The following PPM1L variants were observed in gnomAD, a reference collection of about 807,000 sequenced individuals.
The protein encoded by PPM1L is protein phosphatase, Mg2+/Mn2+ dependent 1L.
A neutral mutation model predicts 31.4 loss-of-function variants in PPM1L; 13 were observed. That is an observed-to-expected ratio of 0.41 (90% CI 0.27 to 0.66). The LOEUF (loss-of-function observed/expected upper bound fraction) is 0.66, where lower values mean the gene tolerates loss of function less well. PPM1L is among the 30% of genes least tolerant of loss of function. The pLI is 0.29. For missense variants in PPM1L, 326 were observed against 453.7 expected (o/e 0.72, Z 2.56); for synonymous variants, 184 against 175.4 (o/e 1.05, Z -0.39).
intron 1 of PPM1L, among the ~76,000 whole-genome samples, chr3:160,844,220 C>G (rs1376360246): frequency 6.6e-6 from 1 of 152,146 alleles, no homozygotes; most frequent in East Asian, 1.9e-4. Flanking sequence ...CATAAGTGGA[C>G]TCTGGTCTAA....
chr3:160,830,951 A>G (rs1170633390), intron 1 of PPM1L, among the ~76,000 whole-genome samples: 1 of 152,216 alleles, frequency 6.6e-6, no homozygotes, highest in Non-Finnish European at 1.5e-5. Context: ...TCTGAATTCC[A>G]TGCCAGGAAC....
chr3:160,953,356 G>T (rs887632526), intron 1 of PPM1L, among the ~76,000 whole-genome samples: 1 of 151,994 alleles, frequency 6.6e-6, no homozygotes, highest in Non-Finnish European at 1.5e-5. Flanking sequence ...AAAAGTGAAG[G>T]AACAAAAATG....
chr3:160,833,415 A>G (rs1246280349), intron 1 of PPM1L, among the ~76,000 whole-genome samples: 1 of 152,080 alleles, frequency 6.6e-6, no homozygotes, highest in Non-Finnish European at 1.5e-5. Context: ...AAGCGTTCCT[A>G]TTTCTCCACA....
intron 1 of PPM1L, among the ~76,000 whole-genome samples, chr3:160,956,795 A>C (rs1316634277): frequency 6.6e-6 from 1 of 152,252 alleles, no homozygotes; most frequent in Non-Finnish European, 1.5e-5. Context: ...TTTATTCTCT[A>C]TCTGAAATTG....
chr3:160,924,382 C>T (rs1185620895), intron 1 of PPM1L, among the ~76,000 whole-genome samples: 1 of 152,158 alleles, frequency 6.6e-6, no homozygotes, highest in Non-Finnish European at 1.5e-5. Context: ...TGGCTGTTCT[C>T]TCTCTTTTTA....
chr3:160,909,462 G>A (rs541791020), intron 1 of PPM1L, among the ~76,000 whole-genome samples: 2 of 152,312 alleles, frequency 1.3e-5, no homozygotes, highest in East Asian at 3.9e-4. Context: ...TAAGTTTGAG[G>A]TATTAGCACT....
intron 1 of PPM1L, among the ~76,000 whole-genome samples, chr3:160,825,496 A>C (rs1297945797): frequency 6.6e-6 from 1 of 152,158 alleles, no homozygotes; most frequent in Admixed American, 6.6e-5. Context: ...GCTCCCATGC[A>C]TTGCTGCATC....
At chr3:160,833,358 A>G (rs1029154445) in intron 1 of PPM1L, among the ~76,000 whole-genome samples, 1 of 152,196 alleles carries the variant, frequency 6.6e-6, no homozygotes, top group African/African-American at 2.4e-5. Flanking sequence ...TCACCACACC[A>G]TCTTCCACGA....
At chr3:160,905,708 A>T (rs1200055423) in intron 1 of PPM1L, among the ~76,000 whole-genome samples, 2 of 152,292 alleles carry the variant, frequency 1.3e-5, no homozygotes, top group East Asian at 1.9e-4. Flanking sequence ...ATTGAAATAC[A>T]TCTAGCTTTT....
At chr3:160,808,326 CATGTGTGGTGGGTGAGGGAA>C (rs1712674059) in intron 1 of PPM1L, among the ~76,000 whole-genome samples, 2 of 122,980 alleles carry the variant, frequency 1.6e-5, no homozygotes, top group East Asian at 2.3e-4. Flanking sequence ...TGTGTGCGTG[CATGTGTGGTGGGTGAGGGAA>C]GCTGGGCTTC....
rs1300449672 is a variant in PPM1L, at chr3:161,060,939, AG to A, written c.575-4463del. Reference sequence around the variant, plus strand: ...TATGATGGAATAAATATTTTATCTCAGAACTAATAGCCAGAATTTTGCAAGT... The same window carrying A: ...TATGATGGAATAAATATTTTATCTCAAACTAATAGCCAGAATTTTGCAAGT... On this transcript the variant is annotated intron_variant, in intron 2 of 3. Coordinates refer to ENST00000498165, the MANE Select transcript of PPM1L (RefSeq NM_139245.4). Among the ~76,000 whole-genome samples the A allele has an allele frequency of 4.4e-3, 676 of 152,236 alleles. 3 individuals carry two copies. Among genetic ancestry groups the A allele is most frequent in the African/African-American group, 0.016 (651 of 41,546 alleles).
rs58013795 is a variant in PPM1L at position 160,945,113 on chromosome 3, TTATCTATCTATCTATCTATC to T, written c.400-16601_400-16582del. Among the ~76,000 whole-genome samples, 133 of 56,260 alleles carry T rather than the reference TTATCTATCTATCTATCTATC, an allele frequency of 2.4e-3. 1 individual carries two copies. The highest frequency in any genetic ancestry group is 9.1e-3 in the Middle Eastern group (1 of 110). The allele number at this position is 56,260 out of a possible 152,430, so 36.9% of individuals were successfully genotyped here. A position where few individuals can be genotyped will look rare whatever the true frequency, so the allele number is the denominator to read the frequency against. Reference sequence around the variant, plus strand: ...TAACATGTTATATATAACATATATGTTATCTATCTATCTATCTATCTATCTATCTATCTATCTATCTCCAC... The same window carrying T: ...TAACATGTTATATATAACATATATGTTATCTATCTATCTATCTATCTCCAC... On this transcript the variant is annotated intron_variant, in intron 1 of 3. Coordinates refer to ENST00000498165, the MANE Select transcript of PPM1L (RefSeq NM_139245.4).
intron 1 of PPM1L, among the ~76,000 whole-genome samples, chr3:160,839,400 G>A (rs1713804065): frequency 6.6e-6 from 1 of 152,064 alleles, no homozygotes; most frequent in Admixed American, 6.6e-5. Context: ...AGAGCTGCTG[G>A]ATTGTAAGGG....
At chr3:160,895,682 T>C (rs1713313376) in intron 1 of PPM1L, among the ~76,000 whole-genome samples, 1 of 152,206 alleles carries the variant, frequency 6.6e-6, no homozygotes, top group African/African-American at 2.4e-5. Context: ...TTCTTGATCC[T>C]TTGGTTATCT....
intron 1 of PPM1L, among the ~76,000 whole-genome samples, chr3:160,944,803 A>ATATATACATATATATGT (rs1553748139): frequency 5.1e-5 from 3 of 59,190 alleles, no homozygotes; most frequent in Non-Finnish European, 1.1e-4. Flanking sequence ...TATATATAAC[A>ATATATACATATATATGT]TATATAACAT....
intron 2 of PPM1L, among the ~76,000 whole-genome samples, chr3:161,042,697 T>C (rs1347457962): frequency 6.6e-6 from 1 of 152,200 alleles, no homozygotes; most frequent in Non-Finnish European, 1.5e-5. Flanking sequence ...AATTCAATTA[T>C]GTGAATCGTA....
chr3:160,970,881 CT>C (rs1473126384), intron 2 of PPM1L, among the ~76,000 whole-genome samples: 1 of 150,654 alleles, frequency 6.6e-6, no homozygotes, highest in Non-Finnish European at 1.5e-5. Context: ...GCTCCGCCCC[CT>C]GGGGTTCACG....
At chr3:160,785,689 G>A (rs1711889525) in intron 1 of PPM1L, among the ~76,000 whole-genome samples, 1 of 152,176 alleles carries the variant, frequency 6.6e-6, no homozygotes, top group South Asian at 2.1e-4. Flanking sequence ...AGACACATCT[G>A]CATTCCTTTT....
At chr3:160,987,413 A>G (rs138153628) in intron 2 of PPM1L, among the ~76,000 whole-genome samples, 2 of 152,180 alleles carry the variant, frequency 1.3e-5, no homozygotes, top group Non-Finnish European at 2.9e-5. Flanking sequence ...AACAAGAACT[A>G]TACGTGAAAA....
Sources: gnomAD v4.1 joint callset for allele counts (sites outside exome capture counted in the v4.1 genomes callset) on GRCh38, gnomAD v4.1.1 for gene constraint, MANE v1.5 for transcripts, NCBI Gene and HGNC (gene_info 2026-07-23, HGNC 2026-07-21) for gene names.